The following FAM171A1 variants were observed in gnomAD, a reference collection of about 807,000 sequenced individuals.
FAM171A1 encodes protein FAM171A1.
FAM171A1 carries 23 observed loss-of-function variants against 74.9 expected under a neutral mutation model. That is an observed-to-expected ratio of 0.31 (90% CI 0.22 to 0.44). The LOEUF (loss-of-function observed/expected upper bound fraction) is 0.44, where lower values mean the gene tolerates loss of function less well. Among genes scored for constraint, FAM171A1 ranks in the 20% least tolerant of loss-of-function variants. The probability of loss-of-function intolerance (pLI) is 1.00; values close to 1 mark genes in which losing one functional copy is unlikely to be tolerated. For synonymous variants in FAM171A1, 527 were observed against 505.7 expected (o/e 1.04, Z -0.57); for missense variants, 1,162 against 1,159.2 (o/e 1.00, Z -0.03).
chr10:15,315,635 C>G (rs747538277), intron 1 of FAM171A1, among the ~76,000 whole-genome samples: 2 of 152,166 alleles, frequency 1.3e-5, no homozygotes, highest in Non-Finnish European at 2.9e-5. Flanking sequence ...ATCTCTTCAA[C>G]CCAAAGAATT....
chr10:15,251,243 T>C (rs1373683544), intron 4 of FAM171A1, among the ~76,000 whole-genome samples: 1 of 152,206 alleles, frequency 6.6e-6, no homozygotes, highest in Admixed American at 6.5e-5. Context: ...TGGGATTTCA[T>C]GTCCCTTTAG....
intron 1 of FAM171A1, among the ~76,000 whole-genome samples, chr10:15,353,016 G>A (rs2131881831): frequency 6.6e-6 from 1 of 152,316 alleles, no homozygotes; most frequent in South Asian, 2.1e-4. Context: ...ATTTTAAAAG[G>A]GCGCTCTGTG....
At chr10:15,350,133 G>A (rs186619363) in intron 1 of FAM171A1, among the ~76,000 whole-genome samples, 10 of 152,164 alleles carry the variant, frequency 6.6e-5, no homozygotes, top group African/African-American at 9.6e-5. Context: ...ACTAGCAAAA[G>A]CTCAGCAACC....
At chr10:15,263,733 A>ATCTATCTATCTATCTGTCTG (rs1357362936) in intron 3 of FAM171A1, among the ~76,000 whole-genome samples, 1 of 131,744 alleles carries the variant, frequency 7.6e-6, no homozygotes, top group African/African-American at 2.8e-5. Context: ...CTATCTATCT[A>ATCTATCTATCTATCTGTCTG]TCTGTCTGTC....
intron 2 of FAM171A1, among the ~76,000 whole-genome samples, chr10:15,277,731 G>A (rs1834912066): frequency 6.6e-6 from 1 of 152,070 alleles, no homozygotes; most frequent in Non-Finnish European, 1.5e-5. Context: ...GAAGATAAGT[G>A]CTAAGAAGAT....
intron 1 of FAM171A1, among the ~76,000 whole-genome samples, chr10:15,323,744 A>G (rs552921954): frequency 7.2e-5 from 11 of 152,148 alleles, no homozygotes; most frequent in Non-Finnish European, 1.6e-4. Flanking sequence ...TATACCCTCT[A>G]TGTTAGGATT....
At chr10:15,296,777 G>A (rs927945318) in intron 1 of FAM171A1, among the ~76,000 whole-genome samples, 2 of 152,304 alleles carry the variant, frequency 1.3e-5, no homozygotes, top group Non-Finnish European at 2.9e-5. Context: ...AGATTTCAGT[G>A]GAAGTTTACA....
chr10:15,325,904 G>T (rs546039578), intron 1 of FAM171A1, among the ~76,000 whole-genome samples: 2 of 152,118 alleles, frequency 1.3e-5, no homozygotes, highest in Admixed American at 6.5e-5. Flanking sequence ...CTGTCCTCTC[G>T]CATTCATTTT....
intron 1 of FAM171A1, among the ~76,000 whole-genome samples, chr10:15,344,115 C>T (rs1478548683): frequency 1.3e-5 from 2 of 152,134 alleles, no homozygotes; most frequent in African/African-American, 4.8e-5. Flanking sequence ...TAAAGAGGTG[C>T]AATGAAAAAG....
intron 1 of FAM171A1, among the ~76,000 whole-genome samples, chr10:15,314,025 C>T (rs934955201): frequency 1.3e-5 from 2 of 152,194 alleles, no homozygotes; most frequent in African/African-American, 4.8e-5. Context: ...GAAGCCTTTT[C>T]TGTGTCGCTG....
chr10:15,350,054 G>A (rs751895365), intron 1 of FAM171A1, among the ~76,000 whole-genome samples: 11 of 151,946 alleles, frequency 7.2e-5, no homozygotes, highest in Non-Finnish European at 1.3e-4. Flanking sequence ...GATCAGACAC[G>A]GCACCCGGTT....
At chr10:15,322,519 A>AC (rs749179198) in intron 1 of FAM171A1, among the ~76,000 whole-genome samples, 1 of 152,124 alleles carries the variant, frequency 6.6e-6, no homozygotes, top group Non-Finnish European at 1.5e-5. Flanking sequence ...TCTCTAAGGT[A>AC]CCCCCAAAAG....
rs773561016 is a variant in FAM171A1 at position 15,212,935 on chromosome 10, T to C, written c.2653A>G (p.Met885Val). Residue 885 changes from methionine (M) to valine (V), a missense_variant, in exon 8 of 8, where the codon ATG becomes GTG. Met to Val is a conservative substitution (Grantham distance 21, BLOSUM62 1). Transcript: ENST00000378116. ...ATAGCTCATTTAATGTTAAACGCCATCAGGGGCCTCTCCTCCCGTTTCTGC... is the reference window on the plus strand; with the variant it reads ...ATAGCTCATTTAATGTTAAACGCCACCAGGGGCCTCTCCTCCCGTTTCTGC... ...PWQKREERPLMAFNIK is the reference protein window; with the variant it reads ...PWQKREERPLVAFNIK 6.2e-7 allele frequency: 1 copy of C among 1,614,022 alleles called. No individual in the cohort carries two copies. The highest frequency in any genetic ancestry group is 1.3e-5 in the African/African-American group (1 of 74,918).
At chr10:15,351,889 C>CA (rs1039565270) in intron 1 of FAM171A1, among the ~76,000 whole-genome samples, 2 of 151,820 alleles carry the variant, frequency 1.3e-5, no homozygotes, top group Non-Finnish European at 2.9e-5. Flanking sequence ...TTCGTCTCTA[C>CA]AAAAAATACA....
At chr10:15,267,332 C>T (rs1197541142) in intron 3 of FAM171A1, among the ~76,000 whole-genome samples, 3 of 151,862 alleles carry the variant, frequency 2.0e-5, no homozygotes, top group South Asian at 2.1e-4. Flanking sequence ...AGGCCAGGTG[C>T]GGTGGCTCAT....
intron 1 of FAM171A1, among the ~76,000 whole-genome samples, chr10:15,354,349 A>T (rs2131883000): frequency 6.6e-6 from 1 of 152,214 alleles, no homozygotes; most frequent in South Asian, 2.1e-4. Flanking sequence ...TATAAAAATT[A>T]GCCAAGTGTT....
chr10:15,287,676 G>A (rs1049039215), intron 1 of FAM171A1, among the ~76,000 whole-genome samples: 3 of 152,124 alleles, frequency 2.0e-5, no homozygotes, highest in Non-Finnish European at 2.9e-5. Context: ...GTGAGCCACC[G>A]TGCCTGGTTC....
intron 5 of FAM171A1, chr10:15,241,797 T>C (rs1405554101): frequency 6.6e-6 from 1 of 152,176 alleles, no homozygotes; most frequent in Non-Finnish European, 1.5e-5. Flanking sequence ...TACAGTACAG[T>C]CCTATTAACA....
intron 5 of FAM171A1, among the ~76,000 whole-genome samples, chr10:15,247,288 G>T (rs1323612022): frequency 6.6e-6 from 1 of 152,178 alleles, no homozygotes; most frequent in African/African-American, 2.4e-5. Flanking sequence ...TTGAGTGAGT[G>T]AGTGGTCTCG....
Sources: gnomAD v4.1 joint callset for allele counts (sites outside exome capture counted in the v4.1 genomes callset) on GRCh38, gnomAD v4.1.1 for gene constraint, MANE v1.5 for transcripts, NCBI Gene and HGNC (gene_info 2026-07-23, HGNC 2026-07-21) for gene names.